TRHDE: variants seen among roughly 807,000 people sequenced by gnomAD.
The protein encoded by TRHDE is thyrotropin releasing hormone degrading enzyme, also known as thyrotropin-releasing hormone-degrading ectoenzyme.
A neutral mutation model predicts 125.7 loss-of-function variants in TRHDE; 72 were observed. The ratio of observed to expected loss-of-function variants is 0.57; its 90% CI spans 0.47 to 0.70. The LOEUF (loss-of-function observed/expected upper bound fraction) is 0.70. TRHDE is among the 30% of genes least tolerant of loss of function. The pLI is 0.00. For synonymous variants in TRHDE, 509 were observed against 509.1 expected (o/e 1.00, Z 0.00); for missense variants, 1,110 against 1,327.1 (o/e 0.84, Z 2.54).
chr12:72,472,106 C>T (rs1034585555), intron 4 of TRHDE, among the ~76,000 whole-genome samples: 2 of 152,210 alleles, frequency 1.3e-5, no homozygotes, highest in African/African-American at 4.8e-5. Context: ...CAATGTAAAG[C>T]AGTTCCTCCC....
chr12:72,576,120 A>T (rs1870981707), intron 12 of TRHDE, among the ~76,000 whole-genome samples: 1 of 152,138 alleles, frequency 6.6e-6, no homozygotes. Flanking sequence ...ATTAAATGAA[A>T]TGTTGCTCAT....
intron 2 of TRHDE, among the ~76,000 whole-genome samples, chr12:72,225,169 C>T (rs1174891511): frequency 6.6e-6 from 1 of 152,144 alleles, no homozygotes; most frequent in African/African-American, 2.4e-5. Context: ...AGGAAATGTT[C>T]TCTAAAGTTT....
chr12:72,099,526 T>C (rs1215425371), intron 1 of TRHDE, among the ~76,000 whole-genome samples: 1 of 152,154 alleles, frequency 6.6e-6, no homozygotes, highest in South Asian at 2.1e-4. Flanking sequence ...ACATAACCTG[T>C]CAGTTGATTT....
At chr12:72,323,788 G>T (rs1869209422) in intron 2 of TRHDE, among the ~76,000 whole-genome samples, 1 of 151,894 alleles carries the variant, frequency 6.6e-6, no homozygotes, top group South Asian at 2.1e-4. Context: ...AGATGGGGTT[G>T]TCATGGATGG....
chr12:72,200,277 A>T (rs533799808), intron 2 of TRHDE, among the ~76,000 whole-genome samples: 1 of 152,272 alleles, frequency 6.6e-6, no homozygotes, highest in East Asian at 1.9e-4. Flanking sequence ...GGATTTGTGG[A>T]TGTATTGAGG....
intron 3 of TRHDE, among the ~76,000 whole-genome samples, chr12:72,468,702 A>G (rs1329423263): frequency 1.3e-5 from 2 of 152,216 alleles, no homozygotes; most frequent in Non-Finnish European, 2.9e-5. Context: ...GGCATTAAGT[A>G]GTCAGCGTGG....
upstream of TRHDE, among the ~76,000 whole-genome samples, chr12:72,268,999 A>G (rs1416201211): frequency 6.6e-6 from 1 of 152,138 alleles, no homozygotes; most frequent in Admixed American, 6.5e-5. Flanking sequence ...TGGTCCCAGT[A>G]TTGGTAAAAT....
chr12:72,180,441 G>C (rs959093552), intron 2 of TRHDE, among the ~76,000 whole-genome samples: 2 of 152,056 alleles, frequency 1.3e-5, no homozygotes, highest in Non-Finnish European at 2.9e-5. Flanking sequence ...TTCAAATAGT[G>C]CCAGCCCCTT....
chr12:72,460,675 T>G (rs970885547), intron 3 of TRHDE, among the ~76,000 whole-genome samples: 1 of 152,160 alleles, frequency 6.6e-6, no homozygotes, highest in Non-Finnish European at 1.5e-5. Context: ...ATAACAAGTA[T>G]TAGTCAACTT....
In TRHDE at chr12:72,637,294, G is replaced by A. The variant is rs187705118; in HGVS notation, c.2676-15028G>A. 6.6e-3 allele frequency among the ~76,000 whole-genome samples: 1,008 copies of A among 152,290 alleles called. 9 individuals are homozygous for A. Among genetic ancestry groups the A allele is most frequent in the African/African-American group, 0.022 (933 of 41,556 alleles). ...AGATTTTCTAGTTTATTTGCATAGA[G>A]GTGTTTGTAATATTCTCTGATGGTA... On this transcript the variant is annotated intron_variant, in intron 15 of 18. Transcript: ENST00000261180.
chr12:72,165,841 A>AT (rs1027380357), intron 2 of TRHDE, among the ~76,000 whole-genome samples: 11 of 151,926 alleles, frequency 7.2e-5, no homozygotes, highest in South Asian at 2.1e-4. Flanking sequence ...CGCCTGGCTA[A>AT]TTTTTTTGTA....
In TRHDE at chr12:72,655,998, G is replaced by T. The variant is rs577336404; in HGVS notation, c.2985-929G>T. ...TAAATCTTAAATTAGATGCTTAAGA[G>T]CCTACAAGTTAGGGAAGCACTGGAA... On this transcript the variant is annotated intron_variant, in intron 17 of 18. Coordinates refer to ENST00000261180, the MANE Select transcript of TRHDE (RefSeq NM_013381.3). Among the ~76,000 whole-genome samples, 4 of 152,218 alleles carry T rather than the reference G, an allele frequency of 2.6e-5. No homozygotes were observed. In the South Asian group the frequency reaches 8.3e-4, roughly 32 times the overall value.
intron 3 of TRHDE, among the ~76,000 whole-genome samples, chr12:72,390,008 TATA>T (rs1203008754): frequency 2.0e-5 from 3 of 152,142 alleles, no homozygotes; most frequent in African/African-American, 7.2e-5. Flanking sequence ...TTTGCTGTGT[TATA>T]ATAAGATTCA....
At chr12:72,574,096 C>T (rs1181363245) in intron 10 of TRHDE, among the ~76,000 whole-genome samples, 1 of 151,888 alleles carries the variant, frequency 6.6e-6, no homozygotes, top group Admixed American at 6.6e-5. Context: ...CATTTATGTC[C>T]ACCCAATATG....
chr12:72,600,587 A>G (rs765837974), intron 12 of TRHDE, among the ~76,000 whole-genome samples: 1 of 152,034 alleles, frequency 6.6e-6, no homozygotes, highest in Non-Finnish European at 1.5e-5. Context: ...CAAGTTGTTC[A>G]TAATTTTGTT....
chr12:72,294,553 C>G (rs185571971), intron 2 of TRHDE, among the ~76,000 whole-genome samples: 1 of 152,184 alleles, frequency 6.6e-6, no homozygotes, highest in Non-Finnish European at 1.5e-5. Flanking sequence ...GATGTCTGCT[C>G]AGCTCTGGCT....
intron 2 of TRHDE, among the ~76,000 whole-genome samples, chr12:72,223,424 A>G (rs1878039443): frequency 6.6e-6 from 1 of 152,118 alleles, no homozygotes; most frequent in Non-Finnish European, 1.5e-5. Context: ...TTAAAAGCCA[A>G]GCCAAATAAA....
chr12:72,190,739 GGATCAGTGGCTAAT>G (rs1470954317), intron 2 of TRHDE, among the ~76,000 whole-genome samples: 1 of 152,178 alleles, frequency 6.6e-6, no homozygotes, highest in East Asian at 1.9e-4. Context: ...GGCCACACCA[GGATCAGTGGCTAAT>G]GAACAAAGTG....
intron 2 of TRHDE, among the ~76,000 whole-genome samples, chr12:72,351,741 A>G (rs1231479911): frequency 6.6e-6 from 1 of 151,908 alleles, no homozygotes; most frequent in Admixed American, 6.6e-5. Context: ...CCTAAAGCCC[A>G]TCAATATCTT....
Sources: gnomAD v4.1 joint callset for allele counts (sites outside exome capture counted in the v4.1 genomes callset) on GRCh38, gnomAD v4.1.1 for gene constraint, MANE v1.5 for transcripts, NCBI Gene and HGNC (gene_info 2026-07-23, HGNC 2026-07-21) for gene names.